The following CERKL variants were observed in gnomAD, a reference collection of about 807,000 sequenced individuals.
CERKL encodes ceramide kinase-like protein.
In CERKL, 61 loss-of-function variants were observed where a neutral mutation model predicts 63.4. That is an observed-to-expected ratio of 0.96 (90% CI 0.78 to 1.19). The LOEUF (loss-of-function observed/expected upper bound fraction) is 1.19, where lower values mean the gene tolerates loss of function less well. Ranked by LOEUF, CERKL falls within the 50% of genes most tolerant of loss-of-function variation. CERKL has a pLI of 0.00. For synonymous variants in CERKL, 250 were observed against 230.5 expected, an observed-to-expected ratio of 1.08 and a Z score of -0.77; for missense variants, 675 against 655.5, an observed-to-expected ratio of 1.03 and a Z score of -0.33.
chr2:181,576,794 C>G (rs1684246402), intron 2 of CERKL, among the ~76,000 whole-genome samples: 1 of 152,148 alleles, frequency 6.6e-6, no homozygotes. Context: ...GTATAGCTGA[C>G]AGCATTTGTT....
chr2:181,557,303 G>A (rs996820398), intron 5 of CERKL, among the ~76,000 whole-genome samples: 6 of 152,120 alleles, frequency 3.9e-5, no homozygotes, highest in South Asian at 2.1e-4. Context: ...TTTTAGACAC[G>A]AAGTCCTTGC....
intron 3 of CERKL, among the ~76,000 whole-genome samples, 192 bp from the exon 4 acceptor site, chr2:181,566,313 G>A (rs1688665301): frequency 6.6e-6 from 1 of 152,162 alleles, no homozygotes; most frequent in East Asian, 1.9e-4. Context: ...ATAGCTTTAT[G>A]TAAGAGAAGG....
At chr2:181,617,423 T>C (rs1325737483) in intron 1 of CERKL, 2 of 152,206 alleles carry the variant, frequency 1.3e-5, no homozygotes, top group Non-Finnish European at 2.9e-5. Flanking sequence ...AAACACTTTC[T>C]GGAAAATGAA....
intron 2 of CERKL, among the ~76,000 whole-genome samples, chr2:181,590,939 G>A (rs1684965649): frequency 1.3e-5 from 2 of 152,036 alleles, no homozygotes; most frequent in African/African-American, 2.4e-5. Flanking sequence ...ATTTACCAAG[G>A]TACGATATGC....
intron 1 of CERKL, among the ~76,000 whole-genome samples, chr2:181,651,913 T>A (rs999120250): frequency 7.4e-5 from 11 of 148,556 alleles, no homozygotes; most frequent in Non-Finnish European, 1.4e-4. Flanking sequence ...AGTACTTTTT[T>A]AAAAAAAAAG....
At chr2:181,573,696 T>C in intron 3 of CERKL, 57 bp downstream of exon 3, 2 of 1,520,782 alleles carry the variant, frequency 1.3e-6, no homozygotes, top group Non-Finnish European at 1.8e-6. Flanking sequence ...AAATTCAGAT[T>C]ATTTTGCTTT....
chr2:181,623,279 A>G (rs1686535355), intron 1 of CERKL, among the ~76,000 whole-genome samples: 1 of 152,218 alleles, frequency 6.6e-6, no homozygotes, highest in Admixed American at 6.5e-5. Flanking sequence ...AAATTACATT[A>G]AAATGTAACT....
At position 181,594,999 on chromosome 2, in the gene CERKL, T is replaced by C. The variant is rs377397640; in HGVS notation, c.481+8838A>G. On this transcript the variant is annotated intron_variant, in intron 2 of 12. Transcript: ENST00000410087. The stretch of plus-strand genomic sequence containing the variant: ...TAAAGTATTATGTATTTCCTATTTA[T>C]TCATACTGTGAGAGTAGAACTTTAT... Among the ~76,000 whole-genome samples, 4 of 152,348 alleles carry C rather than the reference T, an allele frequency of 2.6e-5. No homozygotes were observed. The East Asian group carries it at 7.7e-4, about 29-fold the overall frequency.
chr2:181,572,805 T>C (rs1688966982), intron 3 of CERKL, among the ~76,000 whole-genome samples: 2 of 99,246 alleles, frequency 2.0e-5, no homozygotes, highest in Admixed American at 2.2e-4. Context: ...TGAACTTTCT[T>C]CTACCTCAAT....
At chr2:181,619,678 T>C (rs1037481428) in intron 1 of CERKL, among the ~76,000 whole-genome samples, 2 of 152,150 alleles carry the variant, frequency 1.3e-5, no homozygotes, top group African/African-American at 2.4e-5. Context: ...AAGGCTTTCT[T>C]GACTCTAGTC....
intron 1 of CERKL, among the ~76,000 whole-genome samples, chr2:181,618,367 A>T (rs1435942490): frequency 1.3e-5 from 2 of 151,942 alleles, no homozygotes; most frequent in African/African-American, 4.8e-5. Flanking sequence ...TTTTAATACA[A>T]ATATGTTATT....
chr2:181,573,698 T>C, intron 3 of CERKL, 55 bp downstream of exon 3: 1 of 1,523,496 alleles, frequency 6.6e-7, no homozygotes, highest in Non-Finnish European at 9.1e-7. Flanking sequence ...ATTCAGATTA[T>C]TTTGCTTTTG....
chr2:181,573,091 C>G (rs975765989), intron 3 of CERKL, among the ~76,000 whole-genome samples: 13 of 152,090 alleles, frequency 8.5e-5, no homozygotes, highest in African/African-American at 1.7e-4. Flanking sequence ...AGCATCGACT[C>G]TTCTACTCAG....
chr2:181,620,725 A>C (rs1281581872), intron 1 of CERKL, among the ~76,000 whole-genome samples: 2 of 152,192 alleles, frequency 1.3e-5, no homozygotes, highest in Admixed American at 1.3e-4. Context: ...TCCTGATGCC[A>C]GCAATGGGAC....
At chr2:181,617,739 A>C (rs1005591458) in intron 1 of CERKL, among the ~76,000 whole-genome samples, 4 of 152,222 alleles carry the variant, frequency 2.6e-5, no homozygotes, top group African/African-American at 9.6e-5. Context: ...ACAGACCAAT[A>C]AATTTTCAAA....
At chr2:181,593,178 A>G (rs1270148844) in intron 2 of CERKL, among the ~76,000 whole-genome samples, 1 of 152,204 alleles carries the variant, frequency 6.6e-6, no homozygotes, top group Non-Finnish European at 1.5e-5. Flanking sequence ...TGGTAAAGCT[A>G]GGGACCAAAC....
chr2:181,589,744 G>A (rs1684911587), intron 2 of CERKL, among the ~76,000 whole-genome samples: 2 of 152,306 alleles, frequency 1.3e-5, no homozygotes, highest in Admixed American at 1.3e-4. Context: ...TATAAGTTGA[G>A]TGTAAAGAAA....
At chr2:181,545,363 TG>T (rs1687678313) in intron 10 of CERKL, among the ~76,000 whole-genome samples, 1 of 152,178 alleles carries the variant, frequency 6.6e-6, no homozygotes. Flanking sequence ...CTTGCATAAC[TG>T]TTCCATCCAA....
At chr2:181,565,348 G>A (rs1688615231) in intron 4 of CERKL, 28 of 898,760 alleles carry the variant, frequency 3.1e-5, no homozygotes, top group Middle Eastern at 2.1e-4. Context: ...AATATAATAT[G>A]TTTTAGTCTT....
Sources: allele counts gnomAD v4.1 joint callset (sites outside exome capture counted in the v4.1 genomes callset), GRCh38; gene constraint gnomAD v4.1.1; transcripts MANE v1.5; gene names NCBI Gene and HGNC (gene_info 2026-07-23, HGNC 2026-07-21).